The following ZBTB46 variants were observed in gnomAD, a reference collection of about 807,000 sequenced individuals.
ZBTB46 encodes the protein zinc finger and BTB domain-containing protein 46.
ZBTB46 carries 8 observed loss-of-function variants against 44.1 expected under a neutral mutation model. The ratio of observed to expected loss-of-function variants is 0.18; its 90% CI spans 0.11 to 0.33. The LOEUF is 0.33. Among genes scored for constraint, ZBTB46 ranks in the 10% least tolerant of loss-of-function variants. ZBTB46 has a pLI of 1.00. For missense variants in ZBTB46, 651 were observed against 847.7 expected (o/e 0.77, Z 2.88); for synonymous variants, 409 against 382.3 (o/e 1.07, Z -0.81).
chr20:63,813,534 C>T (rs1043644642), intron 1 of ZBTB46, among the ~76,000 whole-genome samples: 4 of 152,162 alleles, frequency 2.6e-5, no homozygotes, highest in Admixed American at 2.6e-4. Flanking sequence ...AGTAACTGCT[C>T]CCCTGCCACT....
chr20:63,765,162 A>G (rs1326191172), intron 3 of ZBTB46, among the ~76,000 whole-genome samples: 1 of 151,666 alleles, frequency 6.6e-6, no homozygotes, highest in African/African-American at 2.4e-5. Context: ...GGTGGGGGGC[A>G]GTTGTATGCA....
chr20:63,782,693 C>T (rs191830179), intron 2 of ZBTB46, among the ~76,000 whole-genome samples: 64 of 152,304 alleles, frequency 4.2e-4, no homozygotes, highest in African/African-American at 1.4e-3. Flanking sequence ...CCACGACCCA[C>T]GCCCCACACC....
Position 63,752,668 on chromosome 20 carries a change from G to T in ZBTB46, c.1398+18C>A. 1 of 1,527,840 alleles carries T rather than the reference G, an allele frequency of 6.5e-7. No individual in the cohort carries two copies. Among genetic ancestry groups the T allele is most frequent in the Admixed American group, 1.9e-5 (1 of 52,322 alleles). 94.6% of individuals were successfully genotyped at this position (1,527,840 alleles called of 1,614,324 possible). A position where few individuals can be genotyped will look rare whatever the true frequency, so the allele number is the denominator to read the frequency against. On this transcript the variant is annotated intron_variant, in intron 4 of 4. Transcript: ENST00000245663. The surrounding 1 kb of genome is among the most constrained non-coding windows in gnomAD (Gnocchi z 5.6). ...GGCCACGCGCAGCGCGCGGCACGCG[G>T]ACCCTCCCCGCACTCACCAGCGTGT... is the stretch of plus-strand genomic sequence containing the variant.
At chr20:63,771,890 T>C (rs1164144160) in intron 3 of ZBTB46, among the ~76,000 whole-genome samples, 3 of 152,106 alleles carry the variant, frequency 2.0e-5, no homozygotes, top group Non-Finnish European at 2.9e-5. Context: ...CCCCGCCGAG[T>C]TCTACAGCCA....
At chr20:63,808,306 AG>A (rs1568894132) in intron 1 of ZBTB46, among the ~76,000 whole-genome samples, 1 of 152,206 alleles carries the variant, frequency 6.6e-6, no homozygotes, top group Admixed American at 6.5e-5. Flanking sequence ...CCTGTAGGCC[AG>A]TCAAGCCATC....
intron 3 of ZBTB46, chr20:63,769,122 A>G (rs1422367676): frequency 7.7e-6 from 7 of 911,804 alleles, no homozygotes; most frequent in Non-Finnish European, 9.2e-6. Context: ...AGGTGCCACC[A>G]AAGTGCCTCC....
At chr20:63,793,051 G>A (rs542176681) in intron 1 of ZBTB46, among the ~76,000 whole-genome samples, 1 of 152,258 alleles carries the variant, frequency 6.6e-6, no homozygotes, top group South Asian at 2.1e-4. Context: ...GGGCACGAGG[G>A]CTGTGACGGC....
rs2092660291 is a variant in ZBTB46, at chr20:63,803,198, G to A, written c.-33-12408C>T. 1 of 594,162 alleles carries A rather than the reference G, an allele frequency of 1.7e-6. No individual in the cohort carries two copies. The highest frequency in any genetic ancestry group is 6.3e-5 in the Admixed American group (1 of 15,772). The allele number at this position is 594,162 out of a possible 1,614,324, so 36.8% of individuals were successfully genotyped here. A position where few individuals can be genotyped will look rare whatever the true frequency, so the allele number is the denominator to read the frequency against. ...GGACCAGTGTGGGCACCATCCCCCA[G>A]GGCGCCTCACCAGCAGGAACCAGGC... On this transcript the variant is annotated intron_variant, in intron 1 of 4. Coordinates refer to ENST00000245663, the MANE Select transcript of ZBTB46 (RefSeq NM_001369741.1). The surrounding 1 kb of genome is among the most constrained non-coding windows in gnomAD (Gnocchi z 4.0).
rs1414391061 is a variant in ZBTB46 at position 63,752,858 on chromosome 20, T to C, written c.1226A>G (p.Asn409Ser). ...LPRGAHSLSL[N>S]EFTVIRKKFK... Reference sequence around the variant, plus strand: ...CTTCTTCCTGATCACCGTGAACTCATTCACTGAAAGAGAGGGACCCGCGAG... The same window carrying C: ...CTTCTTCCTGATCACCGTGAACTCACTCACTGAAAGAGAGGGACCCGCGAG... Residue 409 changes from asparagine (N) to serine (S), a missense_variant, in exon 4 of 5, where the codon AAT (asparagine) becomes AGT (serine). By Grantham distance (46) the Asn-to-Ser change is conservative. Transcript: ENST00000245663. The surrounding 1 kb of genome is among the most constrained non-coding windows in gnomAD (Gnocchi z 5.6). 65 of 1,600,386 alleles carry C rather than the reference T, an allele frequency of 4.1e-5. No individual in the cohort carries two copies. Among genetic ancestry groups the C allele is most frequent in the Non-Finnish European group, 5.5e-5 (64 of 1,170,242 alleles).
intron 1 of ZBTB46, among the ~76,000 whole-genome samples, chr20:63,823,858 T>TTGTGTGTGTGTGTGTG (rs11474683): frequency 0.068 from 9,847 of 144,612 alleles, 363 homozygotes; most frequent in Middle Eastern, 0.09. Flanking sequence ...TCTAGGAACC[T>TTGTGTGTGTGTGTGTG]TGTGTGTGTG....
intron 2 of ZBTB46, among the ~76,000 whole-genome samples, chr20:63,782,672 C>T (rs1314382413): frequency 6.6e-6 from 1 of 152,202 alleles, no homozygotes; most frequent in Non-Finnish European, 1.5e-5. Flanking sequence ...GCTGCAGCCA[C>T]GCCCCATGCC....
intron 2 of ZBTB46, among the ~76,000 whole-genome samples, chr20:63,776,624 T>A (rs1388383006): frequency 1.3e-5 from 2 of 151,794 alleles, no homozygotes; most frequent in Non-Finnish European, 2.9e-5. Context: ...GCCAACATGG[T>A]GAAACCCCAT....
chr20:63,776,030 CACATTTA>C, intron 2 of ZBTB46, 68 bp from the exon 3 acceptor site: 1 of 1,483,606 alleles, frequency 6.7e-7, no homozygotes. Context: ...GGACAGGCGA[CACATTTA>C]GAAGGACAGC....
chr20:63,795,487 C>A (rs1275429166), intron 1 of ZBTB46, among the ~76,000 whole-genome samples: 2 of 152,382 alleles, frequency 1.3e-5, no homozygotes, highest in East Asian at 3.9e-4. Flanking sequence ...AATGCGCCAG[C>A]ACACTGTGCT....
chr20:63,823,950 C>A (rs1019471197), intron 1 of ZBTB46, among the ~76,000 whole-genome samples: 17 of 151,354 alleles, frequency 1.1e-4, no homozygotes, highest in African/African-American at 4.1e-4. Flanking sequence ...AATGGGCTCC[C>A]CACAGGACTA....
In ZBTB46 at chr20:63,775,318, A is replaced by AG. The variant is rs2092415390; in HGVS notation, c.1222+359dup. The AG allele has an allele frequency of 1.4e-5, 3 of 210,446 alleles. No homozygotes were observed. In the Admixed American group the frequency reaches 1.7e-4, roughly 12 times the overall value. The allele number at this position is 210,446 out of a possible 1,614,324, so 13.0% of individuals were successfully genotyped here. ...GCACGAAGGCGACAGAGGGGCCGGC[A>AG]GGGGGCGCCCGAGCCCGTCTCTGGA... On this transcript the variant is annotated intron_variant, in intron 3 of 4. Coordinates refer to ENST00000245663, the MANE Select transcript of ZBTB46 (RefSeq NM_001369741.1).
rs536486903 is a variant in ZBTB46, at chr20:63,821,184, C to CT, written c.-34+9912dup. ...ACAGGCGTGAGCCACTGCGCCCGGC[C>CT]TTTTTTTTTTTTTTCAGTAGAGACA... On this transcript the variant is annotated intron_variant, in intron 1 of 4. Coordinates refer to ENST00000245663, the MANE Select transcript of ZBTB46 (RefSeq NM_001369741.1). Among the ~76,000 whole-genome samples the CT allele has an allele frequency of 3.1e-3, 431 of 139,956 alleles. 1 individual carries two copies. The highest frequency in any genetic ancestry group is 6.3e-3 in the African/African-American group (238 of 38,016). The allele number at this position is 139,956 out of a possible 152,430, so 91.8% of individuals were successfully genotyped here. A position where few individuals can be genotyped will look rare whatever the true frequency, so the allele number is the denominator to read the frequency against.
chr20:63,805,640 A>G (rs2092676338), intron 1 of ZBTB46, among the ~76,000 whole-genome samples: 1 of 152,188 alleles, frequency 6.6e-6, no homozygotes, highest in Non-Finnish European at 1.5e-5. Flanking sequence ...CCTGAGTTCC[A>G]GCGCTGGACT....
Position 63,803,580 on chromosome 20 carries a change from G to A in ZBTB46, c.-33-12790C>T, listed in dbSNP as rs915623516. The A allele has an allele frequency of 2.5e-5, 24 of 965,926 alleles. No individual in the cohort carries two copies. The highest frequency in any genetic ancestry group is 3.0e-5 in the Non-Finnish European group (24 of 812,422). The allele number at this position is 965,926 out of a possible 1,614,324, so 59.8% of individuals were successfully genotyped here. A position where few individuals can be genotyped will look rare whatever the true frequency, so the allele number is the denominator to read the frequency against. Reference sequence around the variant, plus strand: ...GGCTGCCCAGGCCCCGGGCTGCCCAGGTCTCTGTCGGAGGCCCTGCCAGCC... The same window carrying A: ...GGCTGCCCAGGCCCCGGGCTGCCCAAGTCTCTGTCGGAGGCCCTGCCAGCC... On this transcript the variant is annotated intron_variant, in intron 1 of 4. Coordinates refer to ENST00000245663, the MANE Select transcript of ZBTB46 (RefSeq NM_001369741.1). The surrounding 1 kb of genome is among the most constrained non-coding windows in gnomAD (Gnocchi z 4.0).
Sources: allele counts gnomAD v4.1 joint callset (sites outside exome capture counted in the v4.1 genomes callset), GRCh38; gene constraint gnomAD v4.1.1; non-coding constraint Gnocchi (gnomAD v3.1); transcripts MANE v1.5; gene names NCBI Gene and HGNC (gene_info 2026-07-23, HGNC 2026-07-21).